The following EPHA8 variants were observed in gnomAD, a reference collection of about 807,000 sequenced individuals.
The protein encoded by EPHA8 is ephrin type-A receptor 8.
A neutral mutation model predicts 103.6 loss-of-function variants in EPHA8; 58 were observed. That is an observed-to-expected ratio of 0.56 (90% CI 0.45 to 0.70). The LOEUF (loss-of-function observed/expected upper bound fraction) is 0.70. EPHA8 is among the 30% of genes least tolerant of loss of function. EPHA8 has a pLI of 0.00. For synonymous variants in EPHA8, 559 were observed against 572.5 expected (o/e 0.98, Z 0.34); for missense variants, 1,304 against 1,395.2 (o/e 0.93, Z 1.04).
intron 3 of EPHA8, among the ~76,000 whole-genome samples, chr1:22,586,053 C>T (rs1315374210): frequency 6.6e-6 from 1 of 152,206 alleles, no homozygotes; most frequent in Admixed American, 6.5e-5. Context: ...GCATTTGATC[C>T]TCAGCCCCAT....
At chr1:22,585,048 TGTGC>T (rs1017463573) in intron 3 of EPHA8, among the ~76,000 whole-genome samples, 54 of 111,340 alleles carry the variant, frequency 4.9e-4, no homozygotes, top group South Asian at 6.7e-4. Flanking sequence ...TGTGTGTGTG[TGTGC>T]GCACGCGTGT....
Position 22,598,919 on chromosome 1 carries a change from C to G in EPHA8, c.2260C>G (p.Leu754Val), listed in dbSNP as rs767089293. The G allele has an allele frequency of 1.9e-6, 3 of 1,610,542 alleles. No homozygotes were observed. The highest frequency in any genetic ancestry group is 2.5e-6 in the Non-Finnish European group (3 of 1,179,168). Reference sequence around the variant, plus strand: ...TGCCGGCATGCGCTACCTCTCAGACCTGGGCTATGTCCACCGAGACCTGGC... The same window carrying G: ...TGCCGGCATGCGCTACCTCTCAGACGTGGGCTATGTCCACCGAGACCTGGC... ...VGAGMRYLSD[L>V]GYVHRDLAAR... The change falls in exon 13 of 17, where the codon CTG (leucine) becomes GTG (valine). Residue 754 changes from leucine (L) to valine (V), a missense_variant. Transcript: ENST00000166244. The surrounding 1 kb of genome is among the most constrained non-coding windows in gnomAD (Gnocchi z 5.1).
intron 15 of EPHA8, 56 bp from the exon 16 acceptor site, chr1:22,601,244 T>TG: frequency 6.4e-7 from 1 of 1,552,566 alleles, no homozygotes; most frequent in African/African-American, 1.4e-5. Flanking sequence ...CTGCTTCTTC[T>TG]GGGGGTCCAG....
At chr1:22,577,214 C>A (rs1640733692) in intron 3 of EPHA8, among the ~76,000 whole-genome samples, 1 of 152,146 alleles carries the variant, frequency 6.6e-6, no homozygotes, top group South Asian at 2.1e-4. Context: ...GGGAGTGATA[C>A]CATGGGCTAA....
In EPHA8 at chr1:22,589,082, G is replaced by A. The variant is rs753771091; in HGVS notation, c.1191G>A (p.Leu397=). The change falls in exon 5 of 17, where the codon CTG becomes CTA. Residue 397 remains leucine, a synonymous_variant. Transcript: ENST00000166244. This position sits in a 1 kb window ranked among gnomAD's most constrained non-coding sequence, Gnocchi z 4.3. ...PQQTSLVQAS[L]LVANLLAHMN... ...AGACAAGCCTGGTGCAGGCCAGCCTGCTGGTGGCCAACCTGCTGGCCCACA... is the reference window on the plus strand; with the variant it reads ...AGACAAGCCTGGTGCAGGCCAGCCTACTGGTGGCCAACCTGCTGGCCCACA... 8.7e-6 allele frequency: 14 copies of A among 1,613,418 alleles called. No homozygotes were observed. The highest frequency in any genetic ancestry group is 1.1e-5 in the Non-Finnish European group (13 of 1,179,826).
At chr1:22,600,288 A>G (rs1365658268) in intron 13 of EPHA8, among the ~76,000 whole-genome samples, 1 of 139,298 alleles carries the variant, frequency 7.2e-6, no homozygotes, top group Non-Finnish European at 1.5e-5. Context: ...AGGGATGAGG[A>G]AAGGAAGGAA....
intron 5 of EPHA8, among the ~76,000 whole-genome samples, chr1:22,590,821 G>A (rs913049789): frequency 1.3e-5 from 2 of 152,032 alleles, no homozygotes; most frequent in Non-Finnish European, 2.9e-5. Flanking sequence ...GGACCCAGCT[G>A]CCCACTCCTG....
At position 22,576,730 on chromosome 1, in the gene EPHA8, T is replaced by C; in HGVS notation, c.673T>C (p.Ser225Pro). 6.2e-7 allele frequency: 1 copy of C among 1,613,786 alleles called. No homozygotes were observed. Among genetic ancestry groups the C allele is most frequent in the Non-Finnish European group, 8.5e-7 (1 of 1,180,034 alleles). ...GGCAGTGACGGGGGCCGACTCGTCC[T>C]CACTGGTGGAGGTGAGGGGCCAGTG... The part of the protein sequence containing the change: ...SEAVTGADSS[S>P]LVEVRGQCVR... Residue 225 changes from serine (S) to proline (P), a missense_variant, in exon 3 of 17, where the codon TCA becomes CCA. Ser to Pro is a moderately conservative substitution (Grantham distance 74). Transcript: ENST00000166244. This position sits in a 1 kb window ranked among gnomAD's most constrained non-coding sequence, Gnocchi z 4.8.
intron 5 of EPHA8, among the ~76,000 whole-genome samples, chr1:22,590,068 G>T (rs1316978506): frequency 1.3e-5 from 2 of 152,346 alleles, no homozygotes; most frequent in East Asian, 3.9e-4. Context: ...TCTAGGGCAT[G>T]CTGCTCCCTG....
chr1:22,566,782 C>T (rs959434275), intron 1 of EPHA8, among the ~76,000 whole-genome samples: 6 of 152,172 alleles, frequency 3.9e-5, no homozygotes, highest in African/African-American at 1.2e-4. Context: ...GCGTTCTCTT[C>T]AGCACTCATC....
chr1:22,579,482 G>T (rs1024109977), intron 3 of EPHA8, among the ~76,000 whole-genome samples: 1 of 151,788 alleles, frequency 6.6e-6, no homozygotes, highest in African/African-American at 2.4e-5. Context: ...GTATACGTGA[G>T]TGTATGTCTG....
At chr1:22,591,377 C>T (rs1641368083) in intron 5 of EPHA8, among the ~76,000 whole-genome samples, 1 of 148,700 alleles carries the variant, frequency 6.7e-6, no homozygotes, top group African/African-American at 2.5e-5. Flanking sequence ...CACACACCAC[C>T]ATGCCCAGTG....
intron 3 of EPHA8, among the ~76,000 whole-genome samples, chr1:22,578,883 C>G (rs10917255): frequency 3.1e-4 from 36 of 115,822 alleles, no homozygotes; most frequent in African/African-American, 1.2e-3. Flanking sequence ...GTCCGTGTGT[C>G]CGTGTGTGCA....
At chr1:22,565,823 G>T (rs112634422) in intron 1 of EPHA8, among the ~76,000 whole-genome samples, 2,547 of 152,260 alleles carry the variant, frequency 0.017, 31 homozygotes, top group Non-Finnish European at 0.026. Flanking sequence ...TAGCCCAAGG[G>T]CGAGAGTCCA....
intron 3 of EPHA8, among the ~76,000 whole-genome samples, chr1:22,580,350 G>A (rs192698353): frequency 7.9e-5 from 12 of 152,050 alleles, no homozygotes; most frequent in African/African-American, 2.9e-4. Context: ...TGTTGGCCAG[G>A]CTGGTCTCAA....
intron 2 of EPHA8, among the ~76,000 whole-genome samples, chr1:22,572,445 G>T (rs547166585): frequency 2.0e-5 from 3 of 152,216 alleles, no homozygotes; most frequent in African/African-American, 4.8e-5. Context: ...TACGAAGACT[G>T]GGGGAGGTCT....
chr1:22,574,200 C>T (rs1288216861), intron 2 of EPHA8, among the ~76,000 whole-genome samples: 4 of 151,614 alleles, frequency 2.6e-5, no homozygotes, highest in Non-Finnish European at 5.9e-5. Flanking sequence ...AGGATGGTGT[C>T]GATCTCCTGA....
At chr1:22,578,171 T>TGTGCATGTGTGTGC (rs1225523794) in intron 3 of EPHA8, among the ~76,000 whole-genome samples, 2 of 85,388 alleles carry the variant, frequency 2.3e-5, no homozygotes, top group African/African-American at 7.5e-5. Flanking sequence ...TGAGTGTATG[T>TGTGCATGTGTGTGC]GTGCATGTGT....
In EPHA8 at chr1:22,589,127, C is replaced by G. The variant is rs758525658; in HGVS notation, c.1236C>G (p.Ile412Met). Residue 412 changes from isoleucine to methionine, a missense_variant, in exon 5 of 17, where the codon ATC becomes ATG. Ile to Met is a conservative substitution (Grantham distance 10). Transcript: ENST00000166244. The surrounding 1 kb of genome is among the most constrained non-coding windows in gnomAD (Gnocchi z 4.3). ...LLAHMNYSFW[I>M]EAVNGVSDLS... ...CCCACATGAACTACTCCTTCTGGAT[C>G]GAGGCCGTCAATGGCGTGTCCGACC... 3 of 1,613,808 alleles carry G rather than the reference C, an allele frequency of 1.9e-6. No individual in the cohort carries two copies. The highest frequency in any genetic ancestry group is 2.5e-6 in the Non-Finnish European group (3 of 1,179,968).
Sources: allele counts gnomAD v4.1 joint callset (sites outside exome capture counted in the v4.1 genomes callset), GRCh38; gene constraint gnomAD v4.1.1; non-coding constraint Gnocchi (gnomAD v3.1); transcripts MANE v1.5; gene names NCBI Gene and HGNC (gene_info 2026-07-23, HGNC 2026-07-21).